The following EBF1 variants were observed in gnomAD, a reference collection of about 807,000 sequenced individuals.
EBF1 encodes the protein transcription factor COE1.
A neutral mutation model predicts 68.4 loss-of-function variants in EBF1; 10 were observed. That is an observed-to-expected ratio of 0.15 (90% CI 0.09 to 0.25). EBF1 has a LOEUF of 0.25. EBF1 is among the 10% of genes least tolerant of loss of function. The pLI is 1.00. For missense variants in EBF1, 509 were observed against 794.4 expected, an observed-to-expected ratio of 0.64 and a Z score of 4.32; for synonymous variants, 298 against 299.8, an observed-to-expected ratio of 0.99 and a Z score of 0.06.
chr5:159,059,835 G>C (rs1234828047), intron 6 of EBF1, among the ~76,000 whole-genome samples: 1 of 152,174 alleles, frequency 6.6e-6, no homozygotes, highest in Non-Finnish European at 1.5e-5. Flanking sequence ...AACAGGTGCA[G>C]AGAAGAACCC....
chr5:158,834,432 C>T (rs1246403098), intron 7 of EBF1, among the ~76,000 whole-genome samples: 2 of 152,008 alleles, frequency 1.3e-5, no homozygotes, highest in Admixed American at 6.6e-5. Flanking sequence ...AAGCCTGTAT[C>T]CACTGTTGTA....
intron 10 of EBF1, among the ~76,000 whole-genome samples, chr5:158,756,627 T>C (rs1770155731): frequency 6.6e-6 from 1 of 151,940 alleles, no homozygotes; most frequent in African/African-American, 2.4e-5. Flanking sequence ...CTGCCAGTCA[T>C]TGTGCTTGTG....
At chr5:158,896,701 C>T (rs1802244601) in intron 6 of EBF1, among the ~76,000 whole-genome samples, 1 of 152,216 alleles carries the variant, frequency 6.6e-6, no homozygotes, top group African/African-American at 2.4e-5. Flanking sequence ...TTGCTTTATT[C>T]TCCAGGATCT....
At chr5:159,013,472 C>T (rs959470380) in intron 6 of EBF1, among the ~76,000 whole-genome samples, 3 of 152,094 alleles carry the variant, frequency 2.0e-5, no homozygotes, top group African/African-American at 7.2e-5. Flanking sequence ...ATCTGAAGGA[C>T]GAGGAACACT....
chr5:158,956,419 G>A (rs1817090254), intron 6 of EBF1, among the ~76,000 whole-genome samples: 1 of 151,868 alleles, frequency 6.6e-6, no homozygotes, highest in South Asian at 2.1e-4. Context: ...CTTTTAACTG[G>A]AAGCTTAATT....
chr5:158,714,650 T>C (rs950772375), intron 11 of EBF1, among the ~76,000 whole-genome samples: 1 of 152,134 alleles, frequency 6.6e-6, no homozygotes, highest in Non-Finnish European at 1.5e-5. Flanking sequence ...TTAAACTTCT[T>C]TTGTTTATCT....
At chr5:158,909,051 G>T (rs1472556975) in intron 6 of EBF1, among the ~76,000 whole-genome samples, 1 of 152,026 alleles carries the variant, frequency 6.6e-6, no homozygotes, top group Non-Finnish European at 1.5e-5. Context: ...TGACCCCCGG[G>T]CTGGGAAGCC....
intron 6 of EBF1, among the ~76,000 whole-genome samples, chr5:158,928,434 T>C (rs1366227550): frequency 2.0e-5 from 3 of 152,224 alleles, no homozygotes; most frequent in East Asian, 3.8e-4. Flanking sequence ...ATCTGGATGA[T>C]AAAATGTGAT....
chr5:158,709,507 C>G (rs1178165579), intron 14 of EBF1, among the ~76,000 whole-genome samples: 1 of 152,188 alleles, frequency 6.6e-6, no homozygotes, highest in Non-Finnish European at 1.5e-5. Flanking sequence ...AGCCTCGTTC[C>G]CATGAGCCCA....
chr5:158,941,177 G>C (rs895415529), intron 6 of EBF1: 1 of 455,932 alleles, frequency 2.2e-6, no homozygotes, highest in Non-Finnish European at 4.4e-6. Context: ...CGCACCTCAG[G>C]TTTGCTGTGA....
chr5:158,865,871 C>A (rs1650193310), intron 6 of EBF1, among the ~76,000 whole-genome samples: 1 of 152,184 alleles, frequency 6.6e-6, no homozygotes, highest in Non-Finnish European at 1.5e-5. Flanking sequence ...AGAATGTCTG[C>A]AGATCACCTT....
At chr5:158,872,293 TTCCA>T (rs926583375) in intron 6 of EBF1, among the ~76,000 whole-genome samples, 7 of 151,880 alleles carry the variant, frequency 4.6e-5, no homozygotes, top group African/African-American at 1.7e-4. Context: ...GCCTCCTGGG[TTCCA>T]TCGATTCTCT....
At chr5:158,996,968 T>G (rs775820059) in intron 6 of EBF1, among the ~76,000 whole-genome samples, 1 of 152,168 alleles carries the variant, frequency 6.6e-6, no homozygotes, top group Non-Finnish European at 1.5e-5. Flanking sequence ...CAGCCCCAAC[T>G]ACACCCCATC....
At chr5:158,966,617 C>T (rs1318468698) in intron 6 of EBF1, among the ~76,000 whole-genome samples, 1 of 152,186 alleles carries the variant, frequency 6.6e-6, no homozygotes, top group Non-Finnish European at 1.5e-5. Flanking sequence ...ACCCAAGAAA[C>T]TCAAACCAAA....
chr5:158,820,647 T>G (rs1784640707), intron 8 of EBF1, among the ~76,000 whole-genome samples: 1 of 152,140 alleles, frequency 6.6e-6, no homozygotes, highest in Non-Finnish European at 1.5e-5. Flanking sequence ...CTGAAGGAAA[T>G]AGGACATACC....
At chr5:158,728,291 C>A (rs1262227210) in intron 11 of EBF1, among the ~76,000 whole-genome samples, 1 of 152,144 alleles carries the variant, frequency 6.6e-6, no homozygotes, top group Non-Finnish European at 1.5e-5. Context: ...TAGATGCAAG[C>A]CGTGGAGTGT....
intron 6 of EBF1, among the ~76,000 whole-genome samples, chr5:158,990,361 G>A (rs564997479): frequency 1.3e-5 from 2 of 152,322 alleles, no homozygotes; most frequent in East Asian, 3.9e-4. Flanking sequence ...CATAACAGAA[G>A]AGGCACTTTA....
chr5:159,000,855 A>G (rs1427310415), intron 6 of EBF1, among the ~76,000 whole-genome samples: 1 of 152,184 alleles, frequency 6.6e-6, no homozygotes. Flanking sequence ...AAGATATACC[A>G]ATGTATTTTA....
intron 6 of EBF1, among the ~76,000 whole-genome samples, chr5:159,060,062 A>G (rs1309102857): frequency 6.6e-6 from 1 of 152,264 alleles, no homozygotes; most frequent in African/African-American, 2.4e-5. Flanking sequence ...TTTTAAAAAT[A>G]CAAATACAGA....
Sources: gnomAD v4.1 joint callset for allele counts (sites outside exome capture counted in the v4.1 genomes callset) on GRCh38, gnomAD v4.1.1 for gene constraint, MANE v1.5 for transcripts, NCBI Gene and HGNC (gene_info 2026-07-23, HGNC 2026-07-21) for gene names.